RTF1: variants seen among roughly 807,000 people sequenced by gnomAD.
The protein encoded by RTF1 is RNA polymerase-associated protein RTF1 homolog.
Under a neutral mutation model 95.7 loss-of-function variants are expected in RTF1, and 10 were observed. The observed-to-expected ratio is 0.10, with a 90% CI of 0.06 to 0.18. RTF1 has a LOEUF of 0.18. Among genes scored for constraint, RTF1 ranks in the 10% least tolerant of loss-of-function variants. The probability of loss-of-function intolerance (pLI) is 1.00; values close to 1 mark genes in which losing one functional copy is unlikely to be tolerated. For missense variants in RTF1, 458 were observed against 875.6 expected (o/e 0.52, Z 6.02); for synonymous variants, 305 against 311.8 (o/e 0.98, Z 0.23).
intron 1 of RTF1, among the ~76,000 whole-genome samples, chr15:41,425,167 G>A (rs981357506): frequency 6.6e-6 from 1 of 151,992 alleles, no homozygotes; most frequent in South Asian, 2.1e-4. Context: ...CAGTGGCGCT[G>A]TCTCTGCCAC....
At chr15:41,464,617 AT>A (rs2140964113) in intron 4 of RTF1, among the ~76,000 whole-genome samples, 153 bp from the exon 5 acceptor site, 1 of 152,284 alleles carries the variant, frequency 6.6e-6, no homozygotes, top group South Asian at 2.1e-4. Context: ...CATATTAAAT[AT>A]TTTTAATGTA....
intron 1 of RTF1, among the ~76,000 whole-genome samples, chr15:41,417,554 G>C (rs959045882): frequency 1.3e-5 from 2 of 152,214 alleles, no homozygotes; most frequent in Non-Finnish European, 2.9e-5. Flanking sequence ...GGCAGGGACC[G>C]GGCCGTTGGG....
chr15:41,464,095 C>T (rs2050867602), intron 4 of RTF1, among the ~76,000 whole-genome samples: 1 of 150,800 alleles, frequency 6.6e-6, no homozygotes, highest in South Asian at 2.1e-4. Flanking sequence ...CGTGATCCGT[C>T]CACCTTGGTT....
At chr15:41,433,338 C>G (rs2050685195) in intron 1 of RTF1, among the ~76,000 whole-genome samples, 1 of 152,128 alleles carries the variant, frequency 6.6e-6, no homozygotes, top group Non-Finnish European at 1.5e-5. Flanking sequence ...TACCAGAAGT[C>G]TTTTTTGCCT....
chr15:41,468,613 G>A lies in RTF1; in HGVS notation c.890-1644G>A, dbSNP rs139757756. 2.1e-3 allele frequency among the ~76,000 whole-genome samples: 319 copies of A among 152,190 alleles called. 1 individual carries two copies. The highest frequency in any genetic ancestry group is 7.0e-3 in the African/African-American group (291 of 41,508). ...ATTACAGGTGTGAGCCACCGCACCC[G>A]GCCTAAAGAGAAACTTCTAATCAGC... On this transcript the variant is annotated intron_variant, in intron 6 of 17. Transcript: ENST00000389629.
intron 4 of RTF1, among the ~76,000 whole-genome samples, chr15:41,461,656 A>G (rs942343368): frequency 2.0e-5 from 3 of 150,980 alleles, no homozygotes; most frequent in African/African-American, 7.3e-5. Context: ...CACCCAGCCA[A>G]TTTTTTGTAT....
At chr15:41,449,312 G>C (rs1006451204) in intron 2 of RTF1, among the ~76,000 whole-genome samples, 1 of 143,460 alleles carries the variant, frequency 7.0e-6, no homozygotes, top group Non-Finnish European at 1.5e-5. Flanking sequence ...CTCACTGCAA[G>C]CTCCGCCTCC....
chr15:41,418,141 G>C (rs948328628), intron 1 of RTF1, among the ~76,000 whole-genome samples: 46 of 152,270 alleles, frequency 3.0e-4, no homozygotes, highest in African/African-American at 9.9e-4. Flanking sequence ...ATATACTCTA[G>C]AAAACATTGT....
chr15:41,455,002 A>T (rs1385413227), intron 3 of RTF1, among the ~76,000 whole-genome samples: 1 of 152,146 alleles, frequency 6.6e-6, no homozygotes, highest in African/African-American at 2.4e-5. Flanking sequence ...CAGTGCACCA[A>T]CAAGTGGATA....
In RTF1 at chr15:41,457,661, C is replaced by G; in HGVS notation, c.458-11C>G. On this transcript the variant is annotated splice_polypyrimidine_tract_variant and intron_variant, in intron 3 of 17. Coordinates refer to ENST00000389629, the MANE Select transcript of RTF1 (RefSeq NM_015138.5). Reference sequence around the variant, plus strand: ...GCATAGTGTAATCTTGTGTTTGGGCCTTTGTTGCAGGTGAAGTGTCAGACT... The same window carrying G: ...GCATAGTGTAATCTTGTGTTTGGGCGTTTGTTGCAGGTGAAGTGTCAGACT... 2.5e-6 allele frequency: 4 copies of G among 1,613,798 alleles called. No homozygotes were observed. Among genetic ancestry groups the G allele is most frequent in the Non-Finnish European group, 3.4e-6 (4 of 1,179,734 alleles).
At chr15:41,435,355 C>G (rs974878362) in intron 1 of RTF1, among the ~76,000 whole-genome samples, 42 of 151,092 alleles carry the variant, frequency 2.8e-4, no homozygotes, top group Admixed American at 2.6e-3. Flanking sequence ...TAAATTATAC[C>G]TCAAGTTTGG....
At position 41,428,380 on chromosome 15, in the gene RTF1, G is replaced by C. The variant is rs538507829; in HGVS notation, c.199-9941G>C. Among the ~76,000 whole-genome samples the C allele has an allele frequency of 8.3e-5, 11 of 133,026 alleles. No individual in the cohort carries two copies. In the South Asian group the frequency reaches 2.9e-3, roughly 35 times the overall value. 87.3% of individuals were successfully genotyped at this position (133,026 alleles called of 152,430 possible). On this transcript the variant is annotated intron_variant, in intron 1 of 17. Coordinates refer to ENST00000389629, the MANE Select transcript of RTF1 (RefSeq NM_015138.5). ...CCTCCTGGGTTCACACCATTCTCCC[G>C]CCTCAGCCTCCCGAGTAGCTGGGAC... is the stretch of plus-strand genomic sequence containing the variant.
At chr15:41,476,265 C>A (rs561952087) in intron 11 of RTF1, among the ~76,000 whole-genome samples, 181 bp from the exon 12 acceptor site, 1 of 152,242 alleles carries the variant, frequency 6.6e-6, no homozygotes, top group South Asian at 2.1e-4. Context: ...TCTCCGTGAC[C>A]CAGGAAGCAG....
intron 1 of RTF1, among the ~76,000 whole-genome samples, chr15:41,437,874 A>C (rs907287485): frequency 1.3e-5 from 2 of 152,196 alleles, no homozygotes; most frequent in Admixed American, 6.6e-5. Context: ...TCAAAATATA[A>C]AATGACCTCA....
chr15:41,465,459 G>A (rs1595437388), intron 5 of RTF1, among the ~76,000 whole-genome samples: 1 of 152,276 alleles, frequency 6.6e-6, no homozygotes, highest in South Asian at 2.1e-4. Flanking sequence ...TGGCCAACGT[G>A]GCGAAATCCT....
rs757218389 is a variant in RTF1 at position 41,466,302 on chromosome 15, TC to T, written c.889+52del. 7 of 1,225,668 alleles carry T rather than the reference TC, an allele frequency of 5.7e-6. No individual in the cohort carries two copies. The East Asian group carries it at 1.9e-4, about 33-fold the overall frequency. The allele number at this position is 1,225,668 out of a possible 1,614,324, so 75.9% of individuals were successfully genotyped here. A position where few individuals can be genotyped will look rare whatever the true frequency, so the allele number is the denominator to read the frequency against. On this transcript the variant is annotated intron_variant, in intron 6 of 17. Coordinates refer to ENST00000389629, the MANE Select transcript of RTF1 (RefSeq NM_015138.5). Reference sequence around the variant, plus strand: ...ACTTGTGTCTTTATATGATTTGACTTCCTGGTGTCCATTTTCATTTTGCCCT... The same window carrying T: ...ACTTGTGTCTTTATATGATTTGACTTCTGGTGTCCATTTTCATTTTGCCCT...
chr15:41,478,697 T>A, intron 15 of RTF1, 72 bp downstream of exon 15: 1 of 1,249,540 alleles, frequency 8.0e-7, no homozygotes, highest in Non-Finnish European at 1.2e-6. Context: ...ATTAGGAAAT[T>A]AATAATGAAG....
At chr15:41,474,784 G>A (rs1286084795) in intron 9 of RTF1, 82 bp downstream of exon 9, 15 of 990,374 alleles carry the variant, frequency 1.5e-5, no homozygotes, top group Non-Finnish European at 2.5e-5. Context: ...TCTGTGTGAT[G>A]TTCCTTGTTA....
chr15:41,417,792 G>A lies in RTF1; in HGVS notation c.198+479G>A, dbSNP rs572542439. Among the ~76,000 whole-genome samples, 6 of 152,312 alleles carry A rather than the reference G, an allele frequency of 3.9e-5. No homozygotes were observed. In the East Asian group the frequency reaches 1.2e-3, roughly 29 times the overall value. The stretch of plus-strand genomic sequence containing the variant: ...GGAAGTTTTTCGGACAAGGGATGTG[G>A]ACAGAGGAAGGACACTCGTAAATGT... On this transcript the variant is annotated intron_variant, in intron 1 of 17. Transcript: ENST00000389629.
Sources: gnomAD v4.1 joint callset for allele counts (sites outside exome capture counted in the v4.1 genomes callset) on GRCh38, gnomAD v4.1.1 for gene constraint, MANE v1.5 for transcripts, NCBI Gene and HGNC (gene_info 2026-07-23, HGNC 2026-07-21) for gene names.